The following EMB variants were observed in gnomAD, a reference collection of about 807,000 sequenced individuals.
The protein encoded by EMB is embigin homolog.
Under a neutral mutation model 41.4 loss-of-function variants are expected in EMB, and 31 were observed. The ratio of observed to expected loss-of-function variants is 0.75; its 90% confidence interval spans 0.56 to 1.01. The LOEUF (loss-of-function observed/expected upper bound fraction) is 1.01. EMB is among the 50% of genes least tolerant of loss of function. The pLI, the probability that EMB is intolerant of heterozygous loss-of-function variation, is 0.00. For missense variants in EMB, 379 were observed against 388.3 expected (o/e 0.98, Z 0.20); for synonymous variants, 137 against 140.4 (o/e 0.98, Z 0.17).
chr5:50,414,995 C>T (rs1745405654), intron 2 of EMB, among the ~76,000 whole-genome samples: 1 of 152,152 alleles, frequency 6.6e-6, no homozygotes. Context: ...AGAACCTCCA[C>T]TGAAGTCGTT....
chr5:50,442,240 A>G (rs952400686), upstream of EMB, among the ~76,000 whole-genome samples: 14 of 152,164 alleles, frequency 9.2e-5, no homozygotes, highest in African/African-American at 3.4e-4. Context: ...CATGAGACAA[A>G]TTTTGAAAAT....
At position 50,410,948 on chromosome 5, in the gene EMB, C is replaced by T; in HGVS notation, c.401G>A (p.Ser134Asn). The T allele has an allele frequency of 1.9e-6, 3 of 1,603,804 alleles. No individual in the cohort carries two copies. Among genetic ancestry groups the T allele is most frequent in the Non-Finnish European group, 2.6e-6 (3 of 1,175,846 alleles). ...YTQYRFTIIN[S>N]KQMGSYSCFF... ...ACAAGAATAACTTCCCATTTGTTTG[C>T]TATTAATGATGGTGAACCTAAAGAT... The change falls in exon 4 of 9, where the codon AGC (serine) becomes AAC (asparagine). Residue 134 changes from serine to asparagine, a missense_variant. Transcript: ENST00000303221.
chr5:50,426,225 C>T (rs1259236618), intron 2 of EMB, among the ~76,000 whole-genome samples: 2 of 152,202 alleles, frequency 1.3e-5, no homozygotes, highest in African/African-American at 2.4e-5. Flanking sequence ...AAACCATAAG[C>T]TCCAACTCAG....
intron 1 of EMB, chr5:50,428,679 G>C: frequency 2.0e-6 from 2 of 985,396 alleles, no homozygotes; most frequent in Non-Finnish European, 2.4e-6. Context: ...CCAGGGAACA[G>C]AGAAGATAAA....
chr5:50,440,943 A>C, intron 1 of EMB, 97 bp downstream of exon 1: 6 of 821,282 alleles, frequency 7.3e-6, no homozygotes, highest in Non-Finnish European at 8.3e-6. Context: ...TCTCCCCGCC[A>C]CCCTTGCCCG....
chr5:50,415,514 T>G (rs1383452344), intron 2 of EMB, among the ~76,000 whole-genome samples: 1 of 152,192 alleles, frequency 6.6e-6, no homozygotes, highest in Non-Finnish European at 1.5e-5. Context: ...CACCATTATC[T>G]CACTGGGGAA....
chr5:50,402,125 G>A (rs1385908078), intron 7 of EMB, among the ~76,000 whole-genome samples, 161 bp downstream of exon 7: 1 of 151,912 alleles, frequency 6.6e-6, no homozygotes, highest in African/African-American at 2.4e-5. Context: ...GAATTCTCAC[G>A]CAGGTAGGCA....
chr5:50,440,103 C>T (rs1192919470), intron 1 of EMB, among the ~76,000 whole-genome samples: 2 of 151,980 alleles, frequency 1.3e-5, no homozygotes, highest in African/African-American at 2.4e-5. Flanking sequence ...CTCACACATA[C>T]ACACACACAC....
At chr5:50,422,384 G>C (rs1407742677) in intron 2 of EMB, among the ~76,000 whole-genome samples, 1 of 152,138 alleles carries the variant, frequency 6.6e-6, no homozygotes, top group Non-Finnish European at 1.5e-5. Flanking sequence ...TGGTGCATCA[G>C]GTTGCAAAGT....
At chr5:50,425,413 CTG>C (rs1745593261) in intron 2 of EMB, among the ~76,000 whole-genome samples, 1 of 152,062 alleles carries the variant, frequency 6.6e-6, no homozygotes, top group East Asian at 1.9e-4. Flanking sequence ...GTCAAGGAAA[CTG>C]TCAGCTGTTT....
chr5:50,421,605 T>C (rs371020192), intron 2 of EMB, among the ~76,000 whole-genome samples: 45 of 152,080 alleles, frequency 3.0e-4, no homozygotes, highest in African/African-American at 9.9e-4. Context: ...CGTATGTTTA[T>C]TGTGGCACTA....
At chr5:50,411,485 T>C (rs1579726399) in intron 2 of EMB, 102 bp from the exon 3 acceptor site, 1 of 743,978 alleles carries the variant, frequency 1.3e-6, no homozygotes, top group Non-Finnish European at 2.0e-6. Flanking sequence ...TGACAATTTC[T>C]TAATGTAACA....
chr5:50,440,533 C>CAAAAAAAAAAAAAAAAAAAAAAAAAA (rs70972912), intron 1 of EMB, among the ~76,000 whole-genome samples: 1 of 60,040 alleles, frequency 1.7e-5, no homozygotes, highest in African/African-American at 6.9e-5. Flanking sequence ...AACTCCGTCT[C>CAAAAAAAAAAAAAAAAAAAAAAAAAA]AAAAAAAAAA....
chr5:50,400,905 C>T (rs950499274), intron 7 of EMB, among the ~76,000 whole-genome samples: 4 of 152,092 alleles, frequency 2.6e-5, no homozygotes, highest in African/African-American at 9.6e-5. Context: ...CAGAATGCAA[C>T]TTCCAAATGT....
At chr5:50,413,079 C>T (rs1053014182) in intron 2 of EMB, among the ~76,000 whole-genome samples, 1 of 152,176 alleles carries the variant, frequency 6.6e-6, no homozygotes, top group Non-Finnish European at 1.5e-5. Context: ...CGCGCACACA[C>T]ACACACTTAG....
chr5:50,402,206 A>C (rs1579719619), intron 7 of EMB, 80 bp downstream of exon 7: 1 of 1,460,772 alleles, frequency 6.8e-7, no homozygotes, highest in Non-Finnish European at 9.6e-7. Context: ...TTCTCCCCCT[A>C]ACTGCAAACA....
chr5:50,399,322 T>C (rs1167868577), intron 8 of EMB, 32 bp from the exon 9 acceptor site: 1 of 1,603,896 alleles, frequency 6.2e-7, no homozygotes, highest in Non-Finnish European at 8.5e-7. Context: ...CAAATATAAT[T>C]AGTATGTTCT....
chr5:50,441,143 G>A lies in EMB; in HGVS notation c.9C>T (p.Ala3=). The A allele has an allele frequency of 6.7e-7, 1 of 1,498,738 alleles. No individual in the cohort carries two copies. Among genetic ancestry groups the A allele is most frequent in the South Asian group, 1.3e-5 (1 of 79,756 alleles). 92.8% of individuals were successfully genotyped at this position (1,498,738 alleles called of 1,614,324 possible). Residue 3 remains alanine (A), a synonymous_variant, in exon 1 of 9, where the codon GCC becomes GCT. Coordinates refer to ENST00000303221, the MANE Select transcript of EMB (RefSeq NM_198449.3). The stretch of plus-strand genomic sequence containing the variant: ...CCCTGGCCTCCAGCAGGCCGGGGAG[G>A]GCGCGCATGGCGCCAGAGGGTCCGC... MR[A]LPGLLEARAR...
intron 4 of EMB, among the ~76,000 whole-genome samples, chr5:50,406,895 G>C (rs2111782098): frequency 6.6e-6 from 1 of 152,058 alleles, no homozygotes; most frequent in South Asian, 2.1e-4. Flanking sequence ...GGCTAAAATA[G>C]GGATTCTTTG....
Sources: allele counts gnomAD v4.1 joint callset (sites outside exome capture counted in the v4.1 genomes callset), GRCh38; gene constraint gnomAD v4.1.1; transcripts MANE v1.5; gene names NCBI Gene and HGNC (gene_info 2026-07-23, HGNC 2026-07-21).